The following KCNIP4 variants were observed in gnomAD, a reference collection of about 807,000 sequenced individuals.
KCNIP4 encodes the protein potassium voltage-gated channel interacting protein 4, also known as Kv channel-interacting protein 4.
Under a neutral mutation model 34.0 loss-of-function variants are expected in KCNIP4, and 12 were observed. The ratio of observed to expected loss-of-function variants is 0.35; its 90% confidence interval spans 0.23 to 0.57. The LOEUF (loss-of-function observed/expected upper bound fraction) is 0.57. Ranked by LOEUF, KCNIP4 falls within the 20% of genes least tolerant of loss-of-function variation. KCNIP4 has a pLI of 0.83. For missense variants in KCNIP4, 238 were observed against 311.7 expected, an observed-to-expected ratio of 0.76 and a Z score of 1.78; for synonymous variants, 124 against 102.2, an observed-to-expected ratio of 1.21 and a Z score of -1.29.
At chr4:20,764,361 T>G (rs1560447608) in intron 3 of KCNIP4, among the ~76,000 whole-genome samples, 2 of 152,150 alleles carry the variant, frequency 1.3e-5, no homozygotes, top group African/African-American at 4.8e-5. Flanking sequence ...ATCATGATTT[T>G]TAGTGACTGC....
chr4:21,144,027 A>G (rs1451359305), intron 1 of KCNIP4, among the ~76,000 whole-genome samples: 1 of 152,110 alleles, frequency 6.6e-6, no homozygotes, highest in Non-Finnish European at 1.5e-5. Flanking sequence ...TATTCTGTGA[A>G]GTCTCTGTGC....
Position 21,217,998 on chromosome 4 carries a change from TA to T in KCNIP4, c.62-335290del, listed in dbSNP as rs1553835621. On this transcript the variant is annotated intron_variant, in intron 1 of 8. Transcript: ENST00000382152. ...CATCCCCCTGTATAGTTTTTTTTTTTAAATTTATTTATTTATTTATTATTAT... is the reference window on the plus strand; with the variant it reads ...CATCCCCCTGTATAGTTTTTTTTTTTAATTTATTTATTTATTTATTATTAT... Among the ~76,000 whole-genome samples, 459 of 149,486 alleles carry T rather than the reference TA, an allele frequency of 3.1e-3. 1 individual carries two copies. The highest frequency in any genetic ancestry group is 0.011 in the African/African-American group (432 of 40,616).
At chr4:21,001,537 G>C (rs955971945) in intron 1 of KCNIP4, among the ~76,000 whole-genome samples, 1 of 152,154 alleles carries the variant, frequency 6.6e-6, no homozygotes, top group Admixed American at 6.5e-5. Flanking sequence ...ACCTCCTCCT[G>C]TTTCCTGGGT....
intron 1 of KCNIP4, among the ~76,000 whole-genome samples, chr4:21,469,153 C>T (rs998893005): frequency 6.6e-6 from 1 of 152,040 alleles, no homozygotes; most frequent in East Asian, 1.9e-4. Flanking sequence ...TAGCCTTAAC[C>T]TCCTAGGCTC....
At chr4:21,293,905 G>A (rs1338601851) in intron 1 of KCNIP4, among the ~76,000 whole-genome samples, 2 of 152,126 alleles carry the variant, frequency 1.3e-5, no homozygotes, top group Non-Finnish European at 2.9e-5. Context: ...TCATGATCTA[G>A]CCCTATCTGG....
chr4:21,411,992 A>C (rs1181804645), intron 1 of KCNIP4, among the ~76,000 whole-genome samples: 1 of 152,196 alleles, frequency 6.6e-6, no homozygotes, highest in African/African-American at 2.4e-5. Flanking sequence ...GCTACAGTGT[A>C]CTGAAACAAA....
chr4:21,281,073 A>T (rs907582602), intron 1 of KCNIP4, among the ~76,000 whole-genome samples: 1 of 151,446 alleles, frequency 6.6e-6, no homozygotes, highest in African/African-American at 2.4e-5. Flanking sequence ...TAACAAAAAA[A>T]GTTACATTTT....
At chr4:20,916,985 TTATATATATATATA>T (rs1157104290) in intron 1 of KCNIP4, among the ~76,000 whole-genome samples, 40 of 41,322 alleles carry the variant, frequency 9.7e-4, no homozygotes, top group South Asian at 2.8e-3. Flanking sequence ...CATCTTATGT[TTATATATATATATA>T]TATATATATA....
At chr4:21,799,042 A>AG (rs1720828264) in intron 1 of KCNIP4, among the ~76,000 whole-genome samples, 1 of 152,064 alleles carries the variant, frequency 6.6e-6, no homozygotes, top group Admixed American at 6.6e-5. Flanking sequence ...AAAAAAATGA[A>AG]AAAAAAACCT....
At chr4:21,379,274 A>G (rs1362987037) in intron 1 of KCNIP4, among the ~76,000 whole-genome samples, 2 of 152,160 alleles carry the variant, frequency 1.3e-5, no homozygotes, top group Non-Finnish European at 2.9e-5. Context: ...TTCAAAATCC[A>G]ACTACTTCTC....
chr4:21,792,191 T>A (rs190496003), intron 1 of KCNIP4, among the ~76,000 whole-genome samples: 1 of 125,576 alleles, frequency 8.0e-6, no homozygotes, highest in Non-Finnish European at 1.5e-5. Flanking sequence ...ATAAACCGTA[T>A]CTGTCTTATC....
chr4:21,272,310 G>T (rs182209159), intron 1 of KCNIP4, among the ~76,000 whole-genome samples: 55 of 151,990 alleles, frequency 3.6e-4, no homozygotes, highest in Admixed American at 3.6e-3. Flanking sequence ...CTATATTAGA[G>T]TTGGCTATTA....
At chr4:20,850,349 A>C in intron 3 of KCNIP4, 194 bp downstream of exon 3, 1 of 530,364 alleles carries the variant, frequency 1.9e-6, no homozygotes, top group Non-Finnish European at 3.3e-6. Flanking sequence ...GGGCAATCAC[A>C]GTATGCCAGC....
chr4:20,895,266 A>G (rs769055015), intron 1 of KCNIP4, among the ~76,000 whole-genome samples: 17 of 152,212 alleles, frequency 1.1e-4, no homozygotes, highest in Non-Finnish European at 2.1e-4. Flanking sequence ...TGTCTTGAAT[A>G]TAGTCCTGAG....
At chr4:21,467,215 G>C (rs1374452783) in intron 1 of KCNIP4, among the ~76,000 whole-genome samples, 1 of 152,028 alleles carries the variant, frequency 6.6e-6, no homozygotes, top group Non-Finnish European at 1.5e-5. Flanking sequence ...TCAGCAATGG[G>C]ATGAGTGCCC....
In KCNIP4 at chr4:21,578,357, A is replaced by AG. The variant is rs1330009124; in HGVS notation, c.61+370213_61+370214insC. Among the ~76,000 whole-genome samples, 619 of 139,314 alleles carry AG rather than the reference A, an allele frequency of 4.4e-3. 5 individuals are homozygous for AG. Among genetic ancestry groups the AG allele is most frequent in the Non-Finnish European group, 7.8e-3 (517 of 66,136 alleles). The allele number at this position is 139,314 out of a possible 152,430, so 91.4% of individuals were successfully genotyped here. On this transcript the variant is annotated intron_variant, in intron 1 of 8. Coordinates refer to ENST00000382152, the MANE Select transcript of KCNIP4 (RefSeq NM_025221.6). ...CAAAAAAAAAAAAAAAAAAAAAAAA[A>AG]AGAGTTCATGCTAGCTAAATGTGAA...
chr4:21,296,612 T>G (rs1763854670), intron 1 of KCNIP4, among the ~76,000 whole-genome samples: 1 of 151,864 alleles, frequency 6.6e-6, no homozygotes, highest in Non-Finnish European at 1.5e-5. Context: ...GCTTATCCAA[T>G]GTCTACAGCC....
chr4:21,141,317 A>G (rs1204801101), intron 1 of KCNIP4, among the ~76,000 whole-genome samples: 1 of 152,186 alleles, frequency 6.6e-6, no homozygotes, highest in Non-Finnish European at 1.5e-5. Context: ...GCACAATAAA[A>G]TGAGGTATGT....
At chr4:21,676,892 A>G (rs535468352) in intron 1 of KCNIP4, among the ~76,000 whole-genome samples, 1 of 152,254 alleles carries the variant, frequency 6.6e-6, no homozygotes, top group Admixed American at 6.5e-5. Context: ...TTTATGAAAT[A>G]AAGGTTTTTT....
Sources: gnomAD v4.1 joint callset for allele counts (sites outside exome capture counted in the v4.1 genomes callset) on GRCh38, gnomAD v4.1.1 for gene constraint, MANE v1.5 for transcripts, NCBI Gene and HGNC (gene_info 2026-07-23, HGNC 2026-07-21) for gene names.